Variants in PDE1A observed in about 807,000 individuals in gnomAD.
PDE1A encodes dual specificity calcium/calmodulin-dependent 3',5'-cyclic nucleotide phosphodiesterase 1A.
Under a neutral mutation model 61.7 loss-of-function variants are expected in PDE1A, and 35 were observed. That is an observed-to-expected ratio of 0.57 (90% CI 0.43 to 0.75). The LOEUF (loss-of-function observed/expected upper bound fraction) is 0.75. PDE1A is among the 30% of genes least tolerant of loss of function. The probability of loss-of-function intolerance (pLI) is 0.00; values close to 1 mark genes in which losing one functional copy is unlikely to be tolerated. For missense variants in PDE1A, 597 were observed against 630.6 expected, an observed-to-expected ratio of 0.95 and a Z score of 0.57; for synonymous variants, 232 against 213.2, an observed-to-expected ratio of 1.09 and a Z score of -0.77.
intron 13 of PDE1A, among the ~76,000 whole-genome samples, chr2:182,178,791 A>G (rs552411914): frequency 6.6e-6 from 1 of 152,040 alleles, no homozygotes; most frequent in Non-Finnish European, 1.5e-5. Flanking sequence ...GTACAATGAG[A>G]AGGAGAAGAA....
chr2:182,230,735 G>T (rs1689513024), intron 5 of PDE1A, among the ~76,000 whole-genome samples: 1 of 152,118 alleles, frequency 6.6e-6, no homozygotes, highest in Non-Finnish European at 1.5e-5. Context: ...AGACATAGCT[G>T]CCAAACCCTA....
intron 1 of PDE1A, among the ~76,000 whole-genome samples, chr2:182,331,744 T>C (rs1697424176): frequency 6.6e-6 from 1 of 152,222 alleles, no homozygotes; most frequent in East Asian, 1.9e-4. Flanking sequence ...CTTCCCTTTG[T>C]GGGTAACCCG....
chr2:182,618,987 C>T, the PDE1A span, among the ~76,000 whole-genome samples: 50 of 151,314 alleles, frequency 3.3e-4, no homozygotes, highest in African/African-American at 1.2e-3. Context: ...TTCAGTCCTT[C>T]GTCCAGCGCC....
chr2:182,577,649 T>C, the PDE1A span, among the ~76,000 whole-genome samples: 5 of 152,200 alleles, frequency 3.3e-5, no homozygotes, highest in African/African-American at 4.8e-5. Context: ...ATTGCACTCA[T>C]AGAATTGCAT....
chr2:182,452,820 A>G (rs1050987941), intron 2 of PDE1A, among the ~76,000 whole-genome samples: 1 of 152,148 alleles, frequency 6.6e-6, no homozygotes, highest in Non-Finnish European at 1.5e-5. Flanking sequence ...GTTAAACACC[A>G]TGGCAAAACC....
chr2:182,441,319 T>A (rs1181018282), intron 2 of PDE1A, among the ~76,000 whole-genome samples: 1 of 152,096 alleles, frequency 6.6e-6, no homozygotes, highest in African/African-American at 2.4e-5. Context: ...GTATGTTTAT[T>A]CTTCTCCATA....
At chr2:182,310,353 G>T (rs1415815679) in intron 1 of PDE1A, among the ~76,000 whole-genome samples, 8 of 152,240 alleles carry the variant, frequency 5.3e-5, no homozygotes, top group African/African-American at 1.9e-4. Context: ...TCCTTCAGGG[G>T]GCTATGGAGG....
the PDE1A span, among the ~76,000 whole-genome samples, chr2:182,573,882 A>AAT: frequency 3.5e-5 from 5 of 144,296 alleles, no homozygotes; most frequent in Admixed American, 7.0e-5. Context: ...TATATATATT[A>AAT]ATATATATAC....
chr2:182,285,084 T>C (rs1269336774), intron 1 of PDE1A, among the ~76,000 whole-genome samples: 2 of 152,074 alleles, frequency 1.3e-5, no homozygotes, highest in Admixed American at 6.6e-5. Context: ...ACGCAGATAA[T>C]TGTTTTGCCG....
chr2:182,351,112 C>A (rs915559216), intron 1 of PDE1A, among the ~76,000 whole-genome samples: 4 of 152,146 alleles, frequency 2.6e-5, no homozygotes, highest in African/African-American at 7.2e-5. Context: ...AAGAAAAATG[C>A]TTTTGATATA....
chr2:182,253,979 C>G (rs978517732), intron 2 of PDE1A, among the ~76,000 whole-genome samples: 1 of 151,910 alleles, frequency 6.6e-6, no homozygotes, highest in African/African-American at 2.4e-5. Flanking sequence ...ATGTAACTGT[C>G]AAATGATTTT....
chr2:182,646,294 A>G, the PDE1A span, among the ~76,000 whole-genome samples: 1 of 150,730 alleles, frequency 6.6e-6, no homozygotes, highest in African/African-American at 2.4e-5. Context: ...CTAAAAATAC[A>G]TTAAAAAAAA....
At chr2:182,233,637 G>T (rs1456696584) in intron 4 of PDE1A, among the ~76,000 whole-genome samples, 1 of 152,018 alleles carries the variant, frequency 6.6e-6, no homozygotes, top group Non-Finnish European at 1.5e-5. Context: ...TTAAATTCTT[G>T]GTTAATGTAG....
intron 1 of PDE1A, among the ~76,000 whole-genome samples, chr2:182,419,050 GT>G (rs1703100962): frequency 1.4e-5 from 2 of 147,902 alleles, no homozygotes; most frequent in South Asian, 4.2e-4. Context: ...AATCCTTCCT[GT>G]TCCAGTTCCA....
the PDE1A span, among the ~76,000 whole-genome samples, chr2:182,661,176 C>T: frequency 3.2e-4 from 48 of 152,272 alleles, no homozygotes; most frequent in Non-Finnish European, 4.0e-4. Flanking sequence ...GTAACTTCTT[C>T]CTGTTTATCA....
At chr2:182,250,893 G>A (rs1691350778) in intron 2 of PDE1A, among the ~76,000 whole-genome samples, 1 of 152,262 alleles carries the variant, frequency 6.6e-6, no homozygotes, top group African/African-American at 2.4e-5. Flanking sequence ...TCCAGGAGAG[G>A]CAGAAAGGAC....
At chr2:182,220,782 C>T (rs1381614314) in intron 7 of PDE1A, among the ~76,000 whole-genome samples, 3 of 151,974 alleles carry the variant, frequency 2.0e-5, no homozygotes, top group African/African-American at 7.2e-5. Context: ...TTGGAAAAAA[C>T]ACTCTCAATC....
chr2:182,183,499 C>T (rs1684941148), intron 13 of PDE1A, among the ~76,000 whole-genome samples: 1 of 152,030 alleles, frequency 6.6e-6, no homozygotes, highest in African/African-American at 2.4e-5. Context: ...GGGAAGGCAG[C>T]AAATAATTCT....
intron 1 of PDE1A, among the ~76,000 whole-genome samples, chr2:182,327,189 G>A (rs1211664917): frequency 6.6e-6 from 1 of 152,186 alleles, no homozygotes; most frequent in East Asian, 1.9e-4. Flanking sequence ...AATATGTAAT[G>A]TTAGATGATG....
Sources: allele counts gnomAD v4.1 joint callset (sites outside exome capture counted in the v4.1 genomes callset), GRCh38; gene constraint gnomAD v4.1.1; transcripts MANE v1.5; gene names NCBI Gene and HGNC (gene_info 2026-07-23, HGNC 2026-07-21).